Variants in VPS37B observed in about 807,000 individuals in gnomAD.
VPS37B encodes vacuolar protein sorting-associated protein 37B.
VPS37B carries 11 observed loss-of-function variants against 21.2 expected under a neutral mutation model. The observed-to-expected ratio is 0.52, with a 90% CI of 0.33 to 0.86. The LOEUF (loss-of-function observed/expected upper bound fraction) is 0.86, where lower values mean the gene tolerates loss of function less well. Ranked by LOEUF, VPS37B falls within the 40% of genes least tolerant of loss-of-function variation. VPS37B has a pLI of 0.03. For synonymous variants in VPS37B, 175 were observed against 159.6 expected (o/e 1.10, Z -0.73); for missense variants, 389 against 374.8 (o/e 1.04, Z -0.31).
Position 122,867,841 on chromosome 12 carries a change from G to A in VPS37B, c.367-234C>T, listed in dbSNP as rs1047670591. Among the ~76,000 whole-genome samples, 4 of 152,204 alleles carry A rather than the reference G, an allele frequency of 2.6e-5. No individual in the cohort carries two copies. The highest frequency in any genetic ancestry group is 7.2e-5 in the African/African-American group (3 of 41,442). ...CCCTGCTGCGCACCCCACCACCAGC[G>A]TGACAGGCAGAGGAGCTGGCCTTTG... On this transcript the variant is annotated intron_variant, in intron 3 of 3. Transcript: ENST00000267202. The surrounding 1 kb of genome is among the most constrained non-coding windows in gnomAD (Gnocchi z 5.5).
rs557663950 is a variant in VPS37B, at chr12:122,867,903, C to T, written c.367-296G>A. Among the ~76,000 whole-genome samples the T allele has an allele frequency of 3.3e-5, 5 of 152,238 alleles. No homozygotes were observed. Among genetic ancestry groups the T allele is most frequent in the East Asian group, 1.9e-4 (1 of 5,190 alleles). ...CGACTCCTGGGTCCCAGGCCTCTCT[C>T]GAGCCCGCTGGAGTCCAACACCTCC... On this transcript the variant is annotated intron_variant, in intron 3 of 3. Coordinates refer to ENST00000267202, the MANE Select transcript of VPS37B (RefSeq NM_024667.3). This position sits in a 1 kb window ranked among gnomAD's most constrained non-coding sequence, Gnocchi z 5.5.
intron 1 of VPS37B, chr12:122,890,195 C>A (rs1188304836): frequency 6.6e-6 from 1 of 152,086 alleles, no homozygotes; most frequent in Non-Finnish European, 1.5e-5. Flanking sequence ...GTTTACCTAC[C>A]CACCAAGTCT....
chr12:122,868,491 C>T lies in VPS37B; in HGVS notation c.355G>A (p.Glu119Lys). The T allele has an allele frequency of 6.2e-7, 1 of 1,613,346 alleles. No homozygotes were observed. Among genetic ancestry groups the T allele is most frequent in the Non-Finnish European group, 8.5e-7 (1 of 1,179,840 alleles). The change falls in exon 3 of 4, where the codon GAA becomes AAA. Residue 119 changes from glutamate (E) to lysine (K), a missense_variant. Glu to Lys is a moderately conservative substitution (Grantham distance 56, BLOSUM62 1). Coordinates refer to ENST00000267202, the MANE Select transcript of VPS37B (RefSeq NM_024667.3). This position sits in a 1 kb window ranked among gnomAD's most constrained non-coding sequence, Gnocchi z 5.5. ...LLQAEGAKIEEDTENMAEKFL... is the reference protein window; with the variant it reads ...LLQAEGAKIEKDTENMAEKFL... ...CTGGTGGGCTTTACCTCAGTGTCTT[C>T]CTCAATCTTGGCCCCTTCTGCCTGA...
intron 1 of VPS37B, chr12:122,882,152 A>G (rs2034255754): frequency 2.0e-5 from 3 of 152,182 alleles, no homozygotes; most frequent in Non-Finnish European, 4.4e-5. Context: ...TACATGAAAT[A>G]CAGTTTATAT....
At chr12:122,876,168 C>T (rs1478269191) in intron 1 of VPS37B, 1 of 152,208 alleles carries the variant, frequency 6.6e-6, no homozygotes, top group Non-Finnish European at 1.5e-5. Context: ...ACAGAGAACT[C>T]TCTGGAAGCA....
chr12:122,875,333 C>T (rs1014616087), intron 1 of VPS37B: 2 of 151,232 alleles, frequency 1.3e-5, no homozygotes, highest in African/African-American at 2.4e-5. Flanking sequence ...CCTCGGCCTC[C>T]CAAAGTTCTA....
chr12:122,878,196 T>G (rs1175149917), intron 1 of VPS37B: 1 of 151,564 alleles, frequency 6.6e-6, no homozygotes, highest in African/African-American at 2.4e-5. Flanking sequence ...CCATCTCTAC[T>G]AAAAATACAA....
At chr12:122,888,730 C>T (rs2034364572) in intron 1 of VPS37B, 1 of 367,906 alleles carries the variant, frequency 2.7e-6, no homozygotes, top group Admixed American at 2.9e-5. Flanking sequence ...CTCGTTTCTC[C>T]CCTCCCTTCG....
chr12:122,872,072 C>G (rs2034049752), intron 1 of VPS37B: 2 of 985,298 alleles, frequency 2.0e-6, no homozygotes, highest in Admixed American at 6.2e-5. Flanking sequence ...TTTCTACCAC[C>G]CCACCCAGGC....
chr12:122,886,859 A>AG (rs1361305552), intron 1 of VPS37B: 1 of 152,224 alleles, frequency 6.6e-6, no homozygotes, highest in Non-Finnish European at 1.5e-5. Context: ...CATTTTAAAG[A>AG]GGAGGAAACT....
Position 122,868,442 on chromosome 12 carries a change from A to G in VPS37B, c.366+38T>C. Reference sequence around the variant, plus strand: ...GGCAGCGGGCCCACGGACTGCCCAAAGCGCCCCAAGGATTCCACCAAGGCT... The same window carrying G: ...GGCAGCGGGCCCACGGACTGCCCAAGGCGCCCCAAGGATTCCACCAAGGCT... On this transcript the variant is annotated intron_variant, in intron 3 of 3. Transcript: ENST00000267202. This position sits in a 1 kb window ranked among gnomAD's most constrained non-coding sequence, Gnocchi z 5.5. 1 of 1,598,110 alleles carries G rather than the reference A, an allele frequency of 6.3e-7. No individual in the cohort carries two copies. The highest frequency in any genetic ancestry group is 8.5e-7 in the Non-Finnish European group (1 of 1,170,912).
At chr12:122,890,300 C>T (rs1002736952) in intron 1 of VPS37B, 2 of 151,080 alleles carry the variant, frequency 1.3e-5, no homozygotes, top group Admixed American at 6.6e-5. Flanking sequence ...AGAGCTTTTT[C>T]ATCTGAACTT....
intron 1 of VPS37B, 184 bp from the exon 2 acceptor site, chr12:122,871,245 C>T (rs1359301872): frequency 1.6e-5 from 22 of 1,362,138 alleles, no homozygotes; most frequent in Non-Finnish European, 2.0e-5. Flanking sequence ...TCATTTGGAG[C>T]TGCTGCCCGT....
At chr12:122,895,318 C>G (rs533435496) in intron 1 of VPS37B, among the ~76,000 whole-genome samples, 3 of 151,974 alleles carry the variant, frequency 2.0e-5, no homozygotes, top group Admixed American at 1.3e-4. Flanking sequence ...TTTGGATAGT[C>G]CACTCAGTCC....
intron 1 of VPS37B, 48 bp downstream of exon 1, chr12:122,895,904 C>T: frequency 6.4e-7 from 1 of 1,572,026 alleles, no homozygotes; most frequent in Non-Finnish European, 8.7e-7. Flanking sequence ...GAGGAGCGAA[C>T]CCCGCTCGAG....
intron 1 of VPS37B, chr12:122,884,157 GCA>G (rs961510241): frequency 2.6e-5 from 4 of 152,206 alleles, no homozygotes; most frequent in African/African-American, 9.6e-5. Context: ...TTTGGTTAAA[GCA>G]CACACTAAGC....
At position 122,895,990 on chromosome 12, in the gene VPS37B, C is replaced by A; in HGVS notation, c.73G>T (p.Glu25Ter). ...TGCACCATCTCCGTCAGCTGGCCCT[C>A]GTCCTCCAGCAGCTCGTTGAGCTGC... ...LVQLNELLED[E>*]GQLTEMVQKM... The change falls in exon 1 of 4, where the codon GAG becomes TAG. Residue 25 changes from glutamate to a stop codon, truncating the protein, a stop_gained. Transcript: ENST00000267202. LOFTEE classifies it high-confidence loss of function. 1.2e-6 allele frequency: 2 copies of A among 1,608,168 alleles called. No homozygotes were observed. The highest frequency in any genetic ancestry group is 1.7e-6 in the Non-Finnish European group (2 of 1,177,914).
intron 1 of VPS37B, among the ~76,000 whole-genome samples, chr12:122,891,608 G>A (rs1453424401): frequency 1.3e-5 from 2 of 152,158 alleles, no homozygotes; most frequent in Non-Finnish European, 2.9e-5. Context: ...GCCTTTACAC[G>A]TACATAATGA....
At chr12:122,872,577 C>G (rs2034059469) in intron 1 of VPS37B, 1 of 985,286 alleles carries the variant, frequency 1.0e-6, no homozygotes, top group African/African-American at 1.7e-5. Context: ...AGCAGTGGGG[C>G]TCCCGTCACC....
Sources: allele counts gnomAD v4.1 joint callset (sites outside exome capture counted in the v4.1 genomes callset), GRCh38; gene constraint gnomAD v4.1.1; non-coding constraint Gnocchi (gnomAD v3.1); transcripts MANE v1.5; gene names NCBI Gene and HGNC (gene_info 2026-07-23, HGNC 2026-07-21).